Variants in TMEM131L observed in about 807,000 individuals in gnomAD.
TMEM131L encodes the protein transmembrane protein 131-like.
Under a neutral mutation model 192.2 loss-of-function variants are expected in TMEM131L, and 54 were observed. The observed-to-expected ratio is 0.28, with a 90% CI of 0.23 to 0.35. The LOEUF (loss-of-function observed/expected upper bound fraction) is 0.35. Among genes scored for constraint, TMEM131L ranks in the 10% least tolerant of loss-of-function variants. The pLI, the probability that TMEM131L is intolerant of heterozygous loss-of-function variation, is 1.00. For missense variants in TMEM131L, 1,888 were observed against 1,972.9 expected (o/e 0.96, Z 0.82); for synonymous variants, 701 against 704.9 (o/e 0.99, Z 0.09).
chr4:153,484,567 C>T (rs1203658647), intron 3 of TMEM131L, among the ~76,000 whole-genome samples: 1 of 150,996 alleles, frequency 6.6e-6, no homozygotes, highest in African/African-American at 2.4e-5. Context: ...CTCCCGGGTT[C>T]ATGCCATTCT....
chr4:153,603,585 T>G (rs1731999282), intron 24 of TMEM131L, 133 bp downstream of exon 24: 3 of 1,093,608 alleles, frequency 2.7e-6, no homozygotes, highest in Non-Finnish European at 3.9e-6. Context: ...AGTCATTATG[T>G]GAACAGCTGC....
intron 3 of TMEM131L, among the ~76,000 whole-genome samples, chr4:153,518,692 AAAT>A (rs1318889032): frequency 6.6e-6 from 1 of 152,228 alleles, no homozygotes; most frequent in East Asian, 1.9e-4. Flanking sequence ...ACAGTTTCAG[AAAT>A]AATGATAGGC....
intron 3 of TMEM131L, among the ~76,000 whole-genome samples, chr4:153,504,233 C>G (rs1006701102): frequency 7.4e-6 from 1 of 135,636 alleles, no homozygotes; most frequent in South Asian, 2.6e-4. Flanking sequence ...TCCCAAAGTG[C>G]TGGGATTACG....
At chr4:153,536,718 ATCTCCCTC>A (rs770958763) in intron 3 of TMEM131L, among the ~76,000 whole-genome samples, 4 of 150,942 alleles carry the variant, frequency 2.7e-5, no homozygotes, top group African/African-American at 7.3e-5. Flanking sequence ...CTGTCTATCT[ATCTCCCTC>A]CCTCCCTCCC....
intron 30 of TMEM131L, 43 bp downstream of exon 30, chr4:153,626,268 C>T (rs1733838141): frequency 8.5e-7 from 1 of 1,182,428 alleles, no homozygotes; most frequent in African/African-American, 1.5e-5. Flanking sequence ...GTTTTGTGTA[C>T]TGCTTTTTCT....
intron 33 of TMEM131L, 134 bp downstream of exon 33, chr4:153,634,414 G>C (rs1734431742): frequency 2.9e-6 from 2 of 688,926 alleles, no homozygotes; most frequent in East Asian, 5.1e-5. Context: ...ACTGCCGAAT[G>C]GCTTCATGTG....
intron 6 of TMEM131L, among the ~76,000 whole-genome samples, chr4:153,557,997 C>T (rs1055969503): frequency 1.3e-5 from 2 of 152,174 alleles, no homozygotes; most frequent in African/African-American, 4.8e-5. Flanking sequence ...TCTCAAACTC[C>T]TGTCCTCAAA....
At chr4:153,620,978 A>G (rs1295556775) in intron 27 of TMEM131L, 98 bp downstream of exon 27, 13 of 789,512 alleles carry the variant, frequency 1.6e-5, no homozygotes, top group Non-Finnish European at 2.7e-5. Context: ...GTGATATTAG[A>G]TACCGATAAT....
chr4:153,584,546 T>C (rs1008541472), intron 11 of TMEM131L, among the ~76,000 whole-genome samples: 1 of 152,246 alleles, frequency 6.6e-6, no homozygotes, highest in African/African-American at 2.4e-5. Context: ...GTTTTATTCC[T>C]TTCTTGCTCG....
intron 7 of TMEM131L, among the ~76,000 whole-genome samples, chr4:153,577,234 T>A (rs1578783719): frequency 6.6e-6 from 1 of 152,116 alleles, no homozygotes. Flanking sequence ...ACTAGGCAGG[T>A]GCCGGAGTTT....
chr4:153,585,051 C>G, intron 12 of TMEM131L, 120 bp downstream of exon 12: 1 of 760,612 alleles, frequency 1.3e-6, no homozygotes, highest in Non-Finnish European at 2.2e-6. Context: ...CTGGCCTTGC[C>G]TCCCCTTGCC....
In TMEM131L at chr4:153,477,331, G is replaced by T. The variant is rs1324113883; in HGVS notation, c.239+3443G>T. On this transcript the variant is annotated intron_variant, in intron 3 of 34. Coordinates refer to ENST00000409959, the MANE Select transcript of TMEM131L (RefSeq NM_001131007.2). ...AGAGTTGATACCACTCTGGAGCTCG[G>T]AGGCCAGGGCTGCAGACCCAGGTGT... 3.3e-5 allele frequency among the ~76,000 whole-genome samples: 5 copies of T among 152,304 alleles called. No individual in the cohort carries two copies. In the East Asian group the frequency reaches 9.6e-4, roughly 29 times the overall value.
In TMEM131L at chr4:153,583,097, T is replaced by A. The variant is rs1212571881; in HGVS notation, c.893-93T>A. The A allele has an allele frequency of 6.8e-6, 5 of 739,298 alleles. No individual in the cohort carries two copies. The African/African-American group carries it at 8.9e-5, about 13-fold the overall frequency. The allele number at this position is 739,298 out of a possible 1,614,324, so 45.8% of individuals were successfully genotyped here. A position where few individuals can be genotyped will look rare whatever the true frequency, so the allele number is the denominator to read the frequency against. On this transcript the variant is annotated intron_variant, in intron 9 of 34. Coordinates refer to ENST00000409959, the MANE Select transcript of TMEM131L (RefSeq NM_001131007.2). The stretch of plus-strand genomic sequence containing the variant: ...TTTTATAGAAATGTGTAATGTGGTA[T>A]TTTAATGATTATATGAAGGTGTGAG...
intron 3 of TMEM131L, among the ~76,000 whole-genome samples, chr4:153,538,833 G>A (rs983476695): frequency 6.6e-6 from 1 of 152,196 alleles, no homozygotes; most frequent in South Asian, 2.1e-4. Flanking sequence ...ACCCCACGTC[G>A]CCTTCCCCAG....
At chr4:153,545,224 C>T (rs1737079029) in intron 3 of TMEM131L, among the ~76,000 whole-genome samples, 2 of 151,986 alleles carry the variant, frequency 1.3e-5, no homozygotes, top group Non-Finnish European at 2.9e-5. Context: ...TCACGTCACA[C>T]TAGGACCTGA....
chr4:153,628,366 C>G (rs1733992034), intron 31 of TMEM131L, among the ~76,000 whole-genome samples: 1 of 152,190 alleles, frequency 6.6e-6, no homozygotes. Flanking sequence ...CTCTCTTTGT[C>G]TTTTGTTTTC....
At chr4:153,612,217 T>A in intron 25 of TMEM131L, 35 bp from the exon 26 acceptor site, 1 of 1,472,424 alleles carries the variant, frequency 6.8e-7, no homozygotes, top group Non-Finnish European at 9.1e-7. Context: ...GTGGAAACTA[T>A]TAGCTAGAAA....
Position 153,548,305 on chromosome 4 carries a change from CTTTTTATTTT to C in TMEM131L, c.240-1764_240-1755del, listed in dbSNP as rs555996192. Among the ~76,000 whole-genome samples the C allele has an allele frequency of 5.7e-3, 872 of 152,056 alleles. 9 individuals carry two copies. Among genetic ancestry groups the C allele is most frequent in the African/African-American group, 0.02 (818 of 41,502 alleles). On this transcript the variant is annotated intron_variant, in intron 3 of 34. Transcript: ENST00000409959. ...GCATTACTTTATTTTTTTTTAATTT[CTTTTTATTTT>C]TTTGAGACGGAGTCTCGCTCTGTCG... is the stretch of plus-strand genomic sequence containing the variant.
intron 31 of TMEM131L, among the ~76,000 whole-genome samples, chr4:153,628,270 G>A (rs1472117531): frequency 6.6e-6 from 1 of 152,198 alleles, no homozygotes; most frequent in African/African-American, 2.4e-5. Flanking sequence ...GAATGGGTGG[G>A]AAGGAAACCT....
Sources: allele counts gnomAD v4.1 joint callset (sites outside exome capture counted in the v4.1 genomes callset), GRCh38; gene constraint gnomAD v4.1.1; transcripts MANE v1.5; gene names NCBI Gene and HGNC (gene_info 2026-07-23, HGNC 2026-07-21).